HEATR5B: variants seen among roughly 807,000 people sequenced by gnomAD.
The protein encoded by HEATR5B is HEAT repeat containing 5B.
HEATR5B carries 156 observed loss-of-function variants against 224.1 expected under a neutral mutation model. The observed-to-expected ratio is 0.70, with a 90% CI of 0.61 to 0.80. The LOEUF (loss-of-function observed/expected upper bound fraction) is 0.80. HEATR5B is among the 30% of genes least tolerant of loss of function. The pLI, the probability that HEATR5B is intolerant of heterozygous loss-of-function variation, is 0.00. For missense variants in HEATR5B, 2,323 were observed against 2,535.5 expected, an observed-to-expected ratio of 0.92 and a Z score of 1.80; for synonymous variants, 1,027 against 893.0, an observed-to-expected ratio of 1.15 and a Z score of -2.68.
At chr2:37,071,981 G>T in intron 6 of HEATR5B, 129 bp downstream of exon 6, 2 of 701,082 alleles carry the variant, frequency 2.9e-6, no homozygotes, top group East Asian at 3.0e-5. Context: ...ACCGCGCCCA[G>T]CCAGGTTCTT....
chr2:37,067,018 C>T (rs900056009), intron 8 of HEATR5B, among the ~76,000 whole-genome samples: 2 of 151,988 alleles, frequency 1.3e-5, no homozygotes, highest in East Asian at 1.9e-4. Flanking sequence ...TACAGGTGTA[C>T]GCCACCACGC....
chr2:37,065,511 G>A (rs1489846803), intron 9 of HEATR5B, among the ~76,000 whole-genome samples: 1 of 152,028 alleles, frequency 6.6e-6, no homozygotes, highest in Non-Finnish European at 1.5e-5. Flanking sequence ...CTTTCACCAT[G>A]TTGACCAGGA....
intron 6 of HEATR5B, among the ~76,000 whole-genome samples, chr2:37,071,065 T>A (rs1238522928): frequency 6.6e-6 from 1 of 152,222 alleles, no homozygotes; most frequent in African/African-American, 2.4e-5. Flanking sequence ...AGGGCTTTTA[T>A]GAGGATTAAA....
chr2:36,990,861 A>T, intron 33 of HEATR5B, 62 bp from the exon 34 acceptor site: 2 of 1,378,156 alleles, frequency 1.5e-6, no homozygotes, highest in Non-Finnish European at 9.8e-7. Context: ...TTATTTTTTT[A>T]TTTTTGTAGA....
intron 31 of HEATR5B, among the ~76,000 whole-genome samples, chr2:37,002,807 T>C (rs185942090): frequency 7.0e-4 from 107 of 152,268 alleles, no homozygotes; most frequent in Non-Finnish European, 9.0e-4. Flanking sequence ...TTTTATTGGG[T>C]ATATATTTTG....
intron 21 of HEATR5B, among the ~76,000 whole-genome samples, chr2:37,033,309 T>C (rs1387575662): frequency 6.6e-6 from 1 of 152,212 alleles, no homozygotes; most frequent in Non-Finnish European, 1.5e-5. Context: ...AAAAATATGT[T>C]AGTAGCCAAA....
intron 22 of HEATR5B, among the ~76,000 whole-genome samples, chr2:37,031,204 C>T (rs1257950881): frequency 6.6e-6 from 1 of 152,098 alleles, no homozygotes; most frequent in African/African-American, 2.4e-5. Flanking sequence ...ACCTTTTATT[C>T]CTTTTGTCAT....
Position 37,013,994 on chromosome 2 carries a change from TC to T in HEATR5B, c.4130del (p.Gly1377GlufsTer58). ...CQVCSTWIGSGVVSDLNDLRR... is the reference protein window; with the variant it reads ...CQVCSTWIGSXVVSDLNDLRR... ...GGAGATCATTGAGATCACTGACAAC[TC>T]CACTTCCTATCCATGTACTACATAC... On this transcript the variant is annotated frameshift_variant, in exon 27 of 36. Transcript: ENST00000233099. LOFTEE classifies it high-confidence loss of function. 2 of 1,603,270 alleles carry T rather than the reference TC, an allele frequency of 1.2e-6. No individual in the cohort carries two copies. Among genetic ancestry groups the T allele is most frequent in the Non-Finnish European group, 1.7e-6 (2 of 1,174,132 alleles).
chr2:37,004,217 C>T (rs1290951434), intron 30 of HEATR5B, among the ~76,000 whole-genome samples: 1 of 152,016 alleles, frequency 6.6e-6, no homozygotes, highest in Non-Finnish European at 1.5e-5. Context: ...TTAACTGCAA[C>T]CAAAGCCACC....
chr2:37,021,333 C>A lies in HEATR5B; in HGVS notation c.3854-497G>T, dbSNP rs569488504. The stretch of plus-strand genomic sequence containing the variant: ...TGCCTCATTTTAAGCCAGGTTCCCA[C>A]AATGATAGAAGGCCAAAAATCTTCC... On this transcript the variant is annotated intron_variant, in intron 24 of 35. Coordinates refer to ENST00000233099, the MANE Select transcript of HEATR5B (RefSeq NM_019024.3). 9.2e-5 allele frequency among the ~76,000 whole-genome samples: 14 copies of A among 152,298 alleles called. No individual in the cohort carries two copies. The East Asian group carries it at 1.4e-3, about 15-fold the overall frequency.
chr2:37,038,659 G>T (rs186417182), intron 20 of HEATR5B, among the ~76,000 whole-genome samples: 3 of 152,072 alleles, frequency 2.0e-5, no homozygotes, highest in Non-Finnish European at 4.4e-5. Context: ...CTAAGCAAGC[G>T]GCTTATTTAA....
In HEATR5B at chr2:37,028,739, T is replaced by G. The variant is rs753513317; in HGVS notation, c.3543A>C (p.Ala1181=). The change falls in exon 23 of 36, where the codon GCA becomes GCC. Residue 1181 remains alanine (A), a synonymous_variant. Transcript: ENST00000233099. ...DTLGHMLSSL[A]VEKLSHWLML... is the part of the protein sequence containing the mutation. ...TTAGCCAATGAGAAAGTTTTTCTACTGCCAGCGAAGAAAGCATATGTCCCA... is the reference window on the plus strand; with the variant it reads ...TTAGCCAATGAGAAAGTTTTTCTACGGCCAGCGAAGAAAGCATATGTCCCA... 17 of 1,613,910 alleles carry G rather than the reference T, an allele frequency of 1.1e-5. No homozygotes were observed. Among genetic ancestry groups the G allele is most frequent in the Non-Finnish European group, 1.4e-5 (17 of 1,179,806 alleles).
At chr2:37,020,475 C>T (rs945779019) in intron 25 of HEATR5B, among the ~76,000 whole-genome samples, 180 bp downstream of exon 25, 2 of 152,192 alleles carry the variant, frequency 1.3e-5, no homozygotes, top group South Asian at 2.1e-4. Context: ...AACAGCTTGA[C>T]ACTTATTTCT....
chr2:37,021,453 C>G (rs558655512), intron 24 of HEATR5B, among the ~76,000 whole-genome samples: 26 of 152,320 alleles, frequency 1.7e-4, no homozygotes, highest in African/African-American at 6.3e-4. Context: ...TGTTGAATCT[C>G]ACCCTGACAA....
At chr2:37,080,388 T>C (rs776010147) in intron 2 of HEATR5B, among the ~76,000 whole-genome samples, 1 of 152,114 alleles carries the variant, frequency 6.6e-6, no homozygotes, top group African/African-American at 2.4e-5. Flanking sequence ...CATGACCAAA[T>C]AGGAAGCAGA....
rs751305536 is a variant in HEATR5B at position 37,013,857 on chromosome 2, A to G, written c.4268T>C (p.Leu1423Pro). 2 of 1,592,864 alleles carry G rather than the reference A, an allele frequency of 1.3e-6. No individual in the cohort carries two copies. The highest frequency in any genetic ancestry group is 1.1e-5 in the South Asian group (1 of 87,150). ...AGTCGTTACCTCTGCCCAAGCTTTG[A>G]GAACAGCCAGTTTTTCCATGGTCGT... Reference protein sequence around the residue: ...SATTMEKLAVLKAWAEVYVVA... With the variant: ...SATTMEKLAVPKAWAEVYVVA... The change falls in exon 27 of 36, where the codon CTC becomes CCC. Residue 1423 changes from leucine to proline, a missense_variant. Physicochemically the swap from Leu to Pro is moderately conservative, Grantham distance 98. Transcript: ENST00000233099.
In HEATR5B at chr2:37,032,764, A is replaced by C; in HGVS notation, c.3226T>G (p.Cys1076Gly). 2 of 1,612,100 alleles carry C rather than the reference A, an allele frequency of 1.2e-6. No individual in the cohort carries two copies. Among genetic ancestry groups the C allele is most frequent in the South Asian group, 2.2e-5 (2 of 90,304 alleles). ...CGTCGAAGTAACAAATGGGAACTAC[A>C]TAAGTGAACCTGTAAATCATAACAA... ...SLVPSLCVHL[C>G]SSHLLLRRAA... Residue 1076 changes from cysteine to glycine, a missense_variant, in exon 22 of 36, where the codon TGT (cysteine) becomes GGT (glycine). By Grantham distance (159) the Cys-to-Gly change is radical (BLOSUM62 -3). This residue lies in a region of HEATR5B where 88 missense variants were observed against 86.8 expected (regional missense o/e 1.01). Transcript: ENST00000233099.
chr2:37,055,621 A>G (rs900060716), intron 16 of HEATR5B, among the ~76,000 whole-genome samples: 1 of 152,176 alleles, frequency 6.6e-6, no homozygotes, highest in Non-Finnish European at 1.5e-5. Context: ...CATATTAAAG[A>G]CATTTTTTAT....
At chr2:37,007,024 G>A (rs931561586) in intron 29 of HEATR5B, 26 bp downstream of exon 29, 5 of 1,604,230 alleles carry the variant, frequency 3.1e-6, no homozygotes, top group Non-Finnish European at 3.4e-6. Flanking sequence ...TGATAATCTT[G>A]AAATATATTA....
Sources: gnomAD v4.1 joint callset for allele counts (sites outside exome capture counted in the v4.1 genomes callset) on GRCh38, gnomAD v4.1.1 for gene constraint, gnomAD v4.1.1 regional missense constraint, MANE v1.5 for transcripts, NCBI Gene and HGNC (gene_info 2026-07-23, HGNC 2026-07-21) for gene names.